DDX10: variants seen among roughly 807,000 people sequenced by gnomAD.
DDX10 encodes the protein DEAD-box helicase 10, also known as probable ATP-dependent RNA helicase DDX10.
Under a neutral mutation model 104.3 loss-of-function variants are expected in DDX10, and 74 were observed. That is an observed-to-expected ratio of 0.71 (90% confidence interval 0.59 to 0.86). The LOEUF (loss-of-function observed/expected upper bound fraction) is 0.86. Ranked by LOEUF, DDX10 falls within the 40% of genes least tolerant of loss-of-function variation. The pLI is 0.00. For missense variants in DDX10, 952 were observed against 1,040.0 expected (o/e 0.92, Z 1.16); for synonymous variants, 351 against 353.4 (o/e 0.99, Z 0.08).
chr11:108,682,230 G>A (rs1189636915), intron 6 of DDX10, among the ~76,000 whole-genome samples: 3 of 151,958 alleles, frequency 2.0e-5, no homozygotes, highest in Admixed American at 6.6e-5. Context: ...TCAGCTTCCC[G>A]AGCAGCTGGG....
Position 108,779,534 on chromosome 11 carries a change from C to T in DDX10, c.1965+56072C>T, listed in dbSNP as rs12576292. On this transcript the variant is annotated intron_variant, in intron 13 of 17. Transcript: ENST00000322536. Reference sequence around the variant, plus strand: ...GGGAACATCACACACTGGGGCCTGCCGGGGGTGGTGGGAGGGGGAAGGATA... The same window carrying T: ...GGGAACATCACACACTGGGGCCTGCTGGGGGTGGTGGGAGGGGGAAGGATA... 1.1e-3 allele frequency among the ~76,000 whole-genome samples: 144 copies of T among 134,524 alleles called. 1 individual carries two copies. In the East Asian group the frequency reaches 0.013, roughly 12 times the overall value. 88.3% of individuals were successfully genotyped at this position (134,524 alleles called of 152,430 possible). A position where few individuals can be genotyped will look rare whatever the true frequency, so the allele number is the denominator to read the frequency against.
chr11:108,899,976 G>A (rs1863494021), intron 16 of DDX10, among the ~76,000 whole-genome samples: 1 of 152,138 alleles, frequency 6.6e-6, no homozygotes, highest in African/African-American at 2.4e-5. Context: ...AGCTGGGCAT[G>A]GTGGCACATG....
chr11:108,913,056 G>GGTTCT (rs949683418), intron 16 of DDX10, among the ~76,000 whole-genome samples: 11 of 152,146 alleles, frequency 7.2e-5, no homozygotes, highest in African/African-American at 2.7e-4. Context: ...AAACGAGGAT[G>GGTTCT]GTTCTGTCAG....
At chr11:108,668,769 G>A (rs906140917) in intron 1 of DDX10, among the ~76,000 whole-genome samples, 2 of 152,094 alleles carry the variant, frequency 1.3e-5, no homozygotes, top group African/African-American at 4.8e-5. Flanking sequence ...GCATGTAGGG[G>A]TTGATACAGT....
intron 17 of DDX10, among the ~76,000 whole-genome samples, chr11:108,932,687 GT>G (rs1238019108): frequency 6.6e-6 from 1 of 151,860 alleles, no homozygotes; most frequent in African/African-American, 2.4e-5. Flanking sequence ...AATGTTTCTT[GT>G]TTTTTCTAAA....
At chr11:108,822,468 TC>T in intron 13 of DDX10, 2 of 326,712 alleles carry the variant, frequency 6.1e-6, no homozygotes, top group Admixed American at 3.5e-5. Context: ...GTGTATCCTT[TC>T]CCCAGGTGAT....
intron 16 of DDX10, among the ~76,000 whole-genome samples, chr11:108,915,375 A>G (rs1863733167): frequency 1.3e-5 from 2 of 152,092 alleles, no homozygotes; most frequent in Middle Eastern, 3.4e-3. Context: ...ATATTTCTCA[A>G]TATTTGACTT....
Position 108,831,410 on chromosome 11 carries a change from C to T in DDX10, c.1966-7036C>T, listed in dbSNP as rs1007272286. The stretch of plus-strand genomic sequence containing the variant: ...ACTGCACCCCAGCCTGGTGACAGAG[C>T]GAGACTGTCTCAAAAAAAAAAAAAA... On this transcript the variant is annotated intron_variant, in intron 13 of 17. Coordinates refer to ENST00000322536, the MANE Select transcript of DDX10 (RefSeq NM_004398.4). Among the ~76,000 whole-genome samples the T allele has an allele frequency of 2.2e-4, 25 of 111,134 alleles. 1 individual carries two copies. The highest frequency in any genetic ancestry group is 8.5e-3 in the Middle Eastern group (1 of 118). The allele number at this position is 111,134 out of a possible 152,430, so 72.9% of individuals were successfully genotyped here.
In DDX10 at chr11:108,938,714, T is replaced by C. The variant is rs1864066659; in HGVS notation, c.2451-1532T>C. The stretch of plus-strand genomic sequence containing the variant: ...TGATTTGTGGCTTTAAAGAACCTCA[T>C]AGTGCCATCTAGTTTGTCTTTCCTC... On this transcript the variant is annotated intron_variant, in intron 17 of 17. Transcript: ENST00000322536. Among the ~76,000 whole-genome samples the C allele has an allele frequency of 2.6e-5, 4 of 152,202 alleles. No individual in the cohort carries two copies. The South Asian group carries it at 6.2e-4, about 24-fold the overall frequency.
At chr11:108,754,801 A>G (rs1211573376) in intron 13 of DDX10, among the ~76,000 whole-genome samples, 1 of 152,032 alleles carries the variant, frequency 6.6e-6, no homozygotes, top group Admixed American at 6.6e-5. Flanking sequence ...CTTATTCACT[A>G]TTCTATCCCT....
At chr11:108,741,694 T>C (rs186313591) in intron 13 of DDX10, among the ~76,000 whole-genome samples, 17 of 152,318 alleles carry the variant, frequency 1.1e-4, no homozygotes, top group Admixed American at 1.1e-3. Flanking sequence ...TCAAGGAGCT[T>C]TTGGACAGAG....
Position 108,928,072 on chromosome 11 carries a change from T to C in DDX10, c.2450+10054T>C, listed in dbSNP as rs373855899. 5.3e-5 allele frequency among the ~76,000 whole-genome samples: 8 copies of C among 152,326 alleles called. No homozygotes were observed. In the East Asian group the frequency reaches 1.4e-3, roughly 26 times the overall value. On this transcript the variant is annotated intron_variant, in intron 17 of 17. Coordinates refer to ENST00000322536, the MANE Select transcript of DDX10 (RefSeq NM_004398.4). ...AATTCACACATCATTTAAAGTATGC[T>C]GTTTACCAGTGAGAGGTCTTCCTAT...
chr11:108,745,203 G>A (rs1247706608), intron 13 of DDX10, among the ~76,000 whole-genome samples: 4 of 94,332 alleles, frequency 4.2e-5, no homozygotes, highest in Non-Finnish European at 7.9e-5. Context: ...CTTCCCTTTC[G>A]TTTCCTTCCT....
chr11:108,896,425 T>A (rs1393851695), intron 16 of DDX10, among the ~76,000 whole-genome samples: 1 of 152,088 alleles, frequency 6.6e-6, no homozygotes, highest in Non-Finnish European at 1.5e-5. Flanking sequence ...GGAATTGGTT[T>A]AGGCACATTT....
chr11:108,858,455 G>A (rs1347415379), intron 16 of DDX10, among the ~76,000 whole-genome samples: 4 of 152,152 alleles, frequency 2.6e-5, no homozygotes, highest in Non-Finnish European at 4.4e-5. Context: ...TTAATGCTAT[G>A]TCAGTTATAA....
At chr11:108,763,215 C>T (rs2094352779) in intron 13 of DDX10, among the ~76,000 whole-genome samples, 2 of 152,160 alleles carry the variant, frequency 1.3e-5, no homozygotes, top group South Asian at 4.1e-4. Context: ...GGCCAGATCA[C>T]ACTGTGCGCT....
At chr11:108,910,660 A>G (rs1241825081) in intron 16 of DDX10, among the ~76,000 whole-genome samples, 1 of 151,922 alleles carries the variant, frequency 6.6e-6, no homozygotes, top group Non-Finnish European at 1.5e-5. Context: ...TAGAGGTGAC[A>G]CTGATCTCTT....
intron 13 of DDX10, among the ~76,000 whole-genome samples, chr11:108,837,417 C>T (rs1448159960): frequency 6.6e-6 from 1 of 152,032 alleles, no homozygotes; most frequent in Non-Finnish European, 1.5e-5. Context: ...TTGTCACTTT[C>T]TCATCAAAGC....
intron 13 of DDX10, among the ~76,000 whole-genome samples, chr11:108,748,195 A>G (rs1343566212): frequency 6.6e-6 from 1 of 152,274 alleles, no homozygotes; most frequent in Non-Finnish European, 1.5e-5. Flanking sequence ...GAAGGCTCCT[A>G]CAGAAAGTAT....
Sources: gnomAD v4.1 joint callset for allele counts (sites outside exome capture counted in the v4.1 genomes callset) on GRCh38, gnomAD v4.1.1 for gene constraint, MANE v1.5 for transcripts, NCBI Gene and HGNC (gene_info 2026-07-23, HGNC 2026-07-21) for gene names.